ANKRD12: variants seen among roughly 807,000 people sequenced by gnomAD.
ANKRD12 encodes ankyrin repeat domain 12.
ANKRD12 carries 85 observed loss-of-function variants against 183.4 expected under a neutral mutation model. The observed-to-expected ratio is 0.46, with a 90% CI of 0.39 to 0.56. The LOEUF (loss-of-function observed/expected upper bound fraction) is 0.56. Among genes scored for constraint, ANKRD12 ranks in the 20% least tolerant of loss-of-function variants. ANKRD12 has a pLI of 0.00. For synonymous variants in ANKRD12, 914 were observed against 800.2 expected, an observed-to-expected ratio of 1.14 and a Z score of -2.40; for missense variants, 2,405 against 2,357.1, an observed-to-expected ratio of 1.02 and a Z score of -0.42.
At chr18:9,138,743 G>A (rs753320540) in intron 1 of ANKRD12, among the ~76,000 whole-genome samples, 8 of 152,148 alleles carry the variant, frequency 5.3e-5, no homozygotes, top group Non-Finnish European at 1.2e-4. Flanking sequence ...CAGTCTTGTT[G>A]AGAAAAATCT....
intron 5 of ANKRD12, among the ~76,000 whole-genome samples, chr18:9,209,210 A>G (rs760271083): frequency 1.1e-4 from 17 of 152,228 alleles, no homozygotes; most frequent in Non-Finnish European, 2.4e-4. Context: ...AGCAGGACAA[A>G]AACAAAAAGG....
At chr18:9,173,897 G>T (rs955251174) in intron 1 of ANKRD12, among the ~76,000 whole-genome samples, 9 of 152,202 alleles carry the variant, frequency 5.9e-5, no homozygotes, top group South Asian at 2.1e-4. Context: ...ATAATAAGAA[G>T]AAGAAAGGCT....
At chr18:9,172,710 C>G (rs1374869280) in intron 1 of ANKRD12, among the ~76,000 whole-genome samples, 1 of 152,144 alleles carries the variant, frequency 6.6e-6, no homozygotes, top group African/African-American at 2.4e-5. Flanking sequence ...CTTCTGAAGC[C>G]TACTTCTATC....
intron 8 of ANKRD12, among the ~76,000 whole-genome samples, chr18:9,242,878 A>G (rs2037742999): frequency 6.6e-6 from 1 of 152,194 alleles, no homozygotes; most frequent in Non-Finnish European, 1.5e-5. Flanking sequence ...TACTATAGTA[A>G]TACAATGAAA....
In ANKRD12 at chr18:9,220,464, A is replaced by G. The variant is rs140575946; in HGVS notation, c.796-1388A>G. On this transcript the variant is annotated intron_variant, in intron 7 of 12. Transcript: ENST00000262126. ...AAGAGATGGTAAGGAGGCAGAATCA[A>G]TAACACCTGGCTGCCTCTTTGATGT... Among the ~76,000 whole-genome samples the G allele has an allele frequency of 2.6e-3, 389 of 152,342 alleles. 1 individual carries two copies. The highest frequency in any genetic ancestry group is 9.0e-3 in the African/African-American group (373 of 41,588).
At chr18:9,143,776 C>T (rs72935249) in intron 1 of ANKRD12, among the ~76,000 whole-genome samples, 9,590 of 152,188 alleles carry the variant, frequency 0.063, 334 homozygotes, top group Non-Finnish European at 0.079. Context: ...TCTCTTTAAG[C>T]TGCAGTTGAA....
intron 11 of ANKRD12, among the ~76,000 whole-genome samples, chr18:9,278,250 G>A (rs1311047218): frequency 2.0e-5 from 3 of 151,986 alleles, no homozygotes; most frequent in Admixed American, 6.5e-5. Flanking sequence ...AGTAGCATGC[G>A]TTATTTCCTA....
intron 1 of ANKRD12, among the ~76,000 whole-genome samples, chr18:9,168,472 A>G (rs922141796): frequency 1.3e-5 from 2 of 152,134 alleles, no homozygotes; most frequent in African/African-American, 4.8e-5. Context: ...CGAGGAATTC[A>G]TCCATTTCTT....
rs1313311778 is a variant in ANKRD12, at chr18:9,255,553, T to C, written c.2286T>C (p.Phe762=). 8.3e-6 allele frequency: 13 copies of C among 1,574,836 alleles called. No individual in the cohort carries two copies. Among genetic ancestry groups the C allele is most frequent in the Non-Finnish European group, 1.1e-5 (13 of 1,169,802 alleles). The part of the protein sequence containing the change: ...DKIKKESEKS[F]REEKIKDLKE... ...TTAAAAAGGAAAGCGAGAAATCTTTTAGGGAGGAAAAAATAAAAGATCTAA... is the reference window on the plus strand; with the variant it reads ...TTAAAAAGGAAAGCGAGAAATCTTTCAGGGAGGAAAAAATAAAAGATCTAA... The change falls in exon 9 of 13, where the codon TTT becomes TTC. Residue 762 remains phenylalanine, a synonymous_variant. Transcript: ENST00000262126.
intron 1 of ANKRD12, among the ~76,000 whole-genome samples, chr18:9,173,003 C>G (rs893061499): frequency 6.6e-6 from 1 of 151,834 alleles, no homozygotes; most frequent in African/African-American, 2.4e-5. Context: ...GTGATCTGCC[C>G]ATTTCAGTCT....
At chr18:9,172,084 TTTC>T (rs1176017668) in intron 1 of ANKRD12, among the ~76,000 whole-genome samples, 256 of 151,684 alleles carry the variant, frequency 1.7e-3, no homozygotes, top group African/African-American at 6.0e-3. Context: ...GCTAGTAGGG[TTTC>T]CACTGAGAGG....
At chr18:9,169,679 G>C (rs1444445895) in intron 1 of ANKRD12, among the ~76,000 whole-genome samples, 1 of 152,288 alleles carries the variant, frequency 6.6e-6, no homozygotes, top group South Asian at 2.1e-4. Flanking sequence ...TTGCCAGTCT[G>C]TGTCTTTTAA....
At chr18:9,259,094 T>C (rs992063649) in intron 9 of ANKRD12, among the ~76,000 whole-genome samples, 163 bp downstream of exon 9, 3 of 152,314 alleles carry the variant, frequency 2.0e-5, no homozygotes, top group Middle Eastern at 6.8e-3. Flanking sequence ...GTTTCTTTCA[T>C]TCCCCAACTT....
rs190884067 is a variant in ANKRD12 at position 9,172,385 on chromosome 18, A to G, written c.-51-9997A>G. ...TCAGTCATAGGTTTGGTCTTTTTAC[A>G]TAGTCCCATATTTCTCGAGGTTTTG... On this transcript the variant is annotated intron_variant, in intron 1 of 12. Coordinates refer to ENST00000262126, the MANE Select transcript of ANKRD12 (RefSeq NM_015208.5). 4.9e-3 allele frequency among the ~76,000 whole-genome samples: 751 copies of G among 152,206 alleles called. 3 individuals are homozygous for G. Among genetic ancestry groups the G allele is most frequent in the Middle Eastern group, 0.01 (3 of 292 alleles).
At chr18:9,279,451 G>A (rs568969847) in intron 11 of ANKRD12, 98 bp from the exon 12 acceptor site, 38 of 715,842 alleles carry the variant, frequency 5.3e-5, no homozygotes, top group African/African-American at 7.4e-5. Context: ...TATTTTCATC[G>A]TTACTAAGAA....
intron 11 of ANKRD12, among the ~76,000 whole-genome samples, chr18:9,277,281 C>T (rs1010634991): frequency 4.0e-5 from 6 of 151,094 alleles, no homozygotes; most frequent in South Asian, 2.1e-4. Context: ...TGATTGCGCC[C>T]GCTGCACTCC....
chr18:9,189,194 A>G (rs959253280), intron 2 of ANKRD12, among the ~76,000 whole-genome samples: 2 of 152,214 alleles, frequency 1.3e-5, no homozygotes, highest in Admixed American at 1.3e-4. Context: ...TAGAAGATCA[A>G]ACCAGCTACA....
chr18:9,261,521 C>G (rs1407419088), intron 9 of ANKRD12, among the ~76,000 whole-genome samples: 1 of 152,206 alleles, frequency 6.6e-6, no homozygotes, highest in African/African-American at 2.4e-5. Context: ...GTGGAACATA[C>G]TTTAAGAAAA....
rs1403903876 is a variant in ANKRD12 at position 9,256,196 on chromosome 18, CACAT to C, written c.2933_2936del (p.Ile978ArgfsTer8). The C allele has an allele frequency of 3.2e-6, 5 of 1,570,584 alleles. No individual in the cohort carries two copies. The highest frequency in any genetic ancestry group is 4.3e-6 in the Non-Finnish European group (5 of 1,166,150). On this transcript the variant is annotated frameshift_variant, in exon 9 of 13. Transcript: ENST00000262126. LOFTEE classifies it high-confidence loss of function. Reference sequence around the variant, plus strand: ...AAGTATAAATATAACTAACTCCAAACACATACAGGAAGAAAAAAAATCAAGTATA... The same window carrying C: ...AAGTATAAATATAACTAACTCCAAACACAGGAAGAAAAAAAATCAAGTATA...
Sources: gnomAD v4.1 joint callset for allele counts (sites outside exome capture counted in the v4.1 genomes callset) on GRCh38, gnomAD v4.1.1 for gene constraint, MANE v1.5 for transcripts, NCBI Gene and HGNC (gene_info 2026-07-23, HGNC 2026-07-21) for gene names.